GRB10: variants seen among roughly 807,000 people sequenced by gnomAD.
The protein encoded by GRB10 is growth factor receptor bound protein 10, also known as growth factor receptor-bound protein 10.
A neutral mutation model predicts 80.9 loss-of-function variants in GRB10; 20 were observed. The observed-to-expected ratio is 0.25, with a 90% CI of 0.17 to 0.36. The LOEUF is 0.36. GRB10 is among the 10% of genes least tolerant of loss of function. The pLI, the probability that GRB10 is intolerant of heterozygous loss-of-function variation, is 1.00. For missense variants in GRB10, 548 were observed against 747.7 expected, an observed-to-expected ratio of 0.73 and a Z score of 3.12; for synonymous variants, 291 against 291.5, an observed-to-expected ratio of 1.00 and a Z score of 0.02.
intron 1 of GRB10, chr7:50,792,919 C>G (rs2078994574): frequency 6.8e-6 from 1 of 147,878 alleles, no homozygotes; most frequent in Non-Finnish European, 1.5e-5. Context: ...CACACCTCCC[C>G]CCAGGGGTCG....
intron 2 of GRB10, among the ~76,000 whole-genome samples, chr7:50,760,233 C>T (rs533113320): frequency 6.6e-6 from 1 of 152,190 alleles, no homozygotes; most frequent in Non-Finnish European, 1.5e-5. Flanking sequence ...ATGCACAGAA[C>T]AGCGACTGAG....
At chr7:50,722,608 C>T (rs1033029498) in intron 4 of GRB10, among the ~76,000 whole-genome samples, 3 of 152,062 alleles carry the variant, frequency 2.0e-5, no homozygotes, top group Non-Finnish European at 4.4e-5. Context: ...GGTGACAGAA[C>T]CAGTGATGCG....
chr7:50,660,825 C>CATCTTATCT (rs2059193091), intron 7 of GRB10, among the ~76,000 whole-genome samples: 1 of 83,696 alleles, frequency 1.2e-5, no homozygotes, highest in Admixed American at 1.5e-4. Flanking sequence ...GATGGCGCAG[C>CATCTTATCT]ATCTTATCCA....
chr7:50,649,541 C>T (rs1476804350), intron 7 of GRB10, among the ~76,000 whole-genome samples: 3 of 152,198 alleles, frequency 2.0e-5, no homozygotes, highest in African/African-American at 7.2e-5. Context: ...CTGTACACCC[C>T]ACAGGGGAGA....
chr7:50,749,896 C>T (rs1264343055), intron 3 of GRB10, among the ~76,000 whole-genome samples: 1 of 152,222 alleles, frequency 6.6e-6, no homozygotes, highest in Non-Finnish European at 1.5e-5. Context: ...TTGTACTTAT[C>T]ATAAATCTTA....
intron 4 of GRB10, among the ~76,000 whole-genome samples, chr7:50,713,620 T>A (rs2066285451): frequency 3.4e-5 from 3 of 89,406 alleles, no homozygotes; most frequent in African/African-American, 1.2e-4. Context: ...CACCTCCACC[T>A]CCTCCACCAT....
chr7:50,619,043 C>T, intron 9 of GRB10, 127 bp downstream of exon 9: 3 of 698,526 alleles, frequency 4.3e-6, no homozygotes, highest in East Asian at 5.5e-5. Flanking sequence ...AACTACAACT[C>T]TGATTCTCAA....
chr7:50,652,790 C>T (rs1257065391), intron 7 of GRB10, among the ~76,000 whole-genome samples: 1 of 152,166 alleles, frequency 6.6e-6, no homozygotes, highest in Non-Finnish European at 1.5e-5. Flanking sequence ...TTACCCATCC[C>T]CTTCGTTTTC....
At position 50,703,842 on chromosome 7, in the gene GRB10, C is replaced by A; in HGVS notation, c.118G>T (p.Asp40Tyr). 1.2e-6 allele frequency: 2 copies of A among 1,613,146 alleles called. No homozygotes were observed. Among genetic ancestry groups the A allele is most frequent in the South Asian group, 2.2e-5 (2 of 90,992 alleles). ...PAGPGLPAQS[D>Y]RLANHQEDDV... ...TTACCCTGGTGATTCGCAAGTCGGT[C>A]AGACTGTGCGGGGAGTCCTGGTCCT... The change falls in exon 5 of 19, where the codon GAC (aspartate) becomes TAC (tyrosine). Residue 40 changes from aspartate to tyrosine, a missense_variant. Coordinates refer to ENST00000401949, the MANE Select transcript of GRB10 (RefSeq NM_001350814.2).
In GRB10 at chr7:50,612,855, G is replaced by C; in HGVS notation, c.1096-16C>G. The C allele has an allele frequency of 6.4e-7, 1 of 1,568,922 alleles. No individual in the cohort carries two copies. Among genetic ancestry groups the C allele is most frequent in the Non-Finnish European group, 8.8e-7 (1 of 1,139,442 alleles). On this transcript the variant is annotated splice_polypyrimidine_tract_variant and intron_variant, in intron 12 of 18. Transcript: ENST00000401949. ...CTTTGTTTGGCTACAGGAGGTAAAA[G>C]AAAGTCCTGTTAGTGTTACACAGGG... is the stretch of plus-strand genomic sequence containing the variant.
At chr7:50,605,523 C>T in intron 14 of GRB10, 117 bp from the exon 15 acceptor site, 1 of 846,836 alleles carries the variant, frequency 1.2e-6, no homozygotes, top group Non-Finnish European at 2.0e-6. Flanking sequence ...CTGCTTTCTA[C>T]CTCTGAACTC....
chr7:50,666,088 G>A (rs1405730004), intron 7 of GRB10, among the ~76,000 whole-genome samples: 1 of 152,208 alleles, frequency 6.6e-6, no homozygotes, highest in African/African-American at 2.4e-5. Flanking sequence ...CCAGGGAGAG[G>A]ACGCAAGGCA....
intron 3 of GRB10, among the ~76,000 whole-genome samples, chr7:50,746,311 T>G (rs181352326): frequency 1.3e-5 from 2 of 152,300 alleles, no homozygotes; most frequent in East Asian, 3.9e-4. Flanking sequence ...GATCAAAAAT[T>G]AAAATTAAAA....
At chr7:50,648,173 G>C (rs1321917984) in intron 7 of GRB10, among the ~76,000 whole-genome samples, 1 of 152,146 alleles carries the variant, frequency 6.6e-6, no homozygotes, top group African/African-American at 2.4e-5. Flanking sequence ...CCAAGGCCCA[G>C]TGACTGAAGA....
chr7:50,692,767 G>A (rs1015191581), intron 5 of GRB10, among the ~76,000 whole-genome samples: 1 of 152,058 alleles, frequency 6.6e-6, no homozygotes, highest in South Asian at 2.1e-4. Context: ...TATGATCTAG[G>A]GAGAAAGGGA....
chr7:50,764,881 C>A (rs910711184), intron 2 of GRB10, among the ~76,000 whole-genome samples: 22 of 152,240 alleles, frequency 1.4e-4, no homozygotes, highest in African/African-American at 5.3e-4. Context: ...CCCAGGAATT[C>A]CAAACAGAGA....
In GRB10 at chr7:50,763,210, G is replaced by C. The variant is rs193005456; in HGVS notation, c.-216-7154C>G. 2.0e-4 allele frequency among the ~76,000 whole-genome samples: 30 copies of C among 152,086 alleles called. No homozygotes were observed. In the East Asian group the frequency reaches 4.6e-3, roughly 24 times the overall value. ...CTCTTCTTTACTGAAATAAGAGATA[G>C]GATGTAAGCAGCCCAACATAAAAAT... On this transcript the variant is annotated intron_variant, in intron 2 of 18. Coordinates refer to ENST00000401949, the MANE Select transcript of GRB10 (RefSeq NM_001350814.2).
intron 17 of GRB10, among the ~76,000 whole-genome samples, chr7:50,602,344 C>T (rs2047757097): frequency 6.6e-6 from 1 of 152,182 alleles, no homozygotes. Flanking sequence ...GCTGGCTGCA[C>T]TTGAACCCCT....
chr7:50,634,802 G>A (rs2054641493), intron 7 of GRB10, among the ~76,000 whole-genome samples: 1 of 152,144 alleles, frequency 6.6e-6, no homozygotes, highest in African/African-American at 2.4e-5. Context: ...ACAATGAAGG[G>A]CATTATATCA....
Sources: allele counts gnomAD v4.1 joint callset (sites outside exome capture counted in the v4.1 genomes callset), GRCh38; gene constraint gnomAD v4.1.1; transcripts MANE v1.5; gene names NCBI Gene and HGNC (gene_info 2026-07-23, HGNC 2026-07-21).